CTNNA3: variants seen among roughly 807,000 people sequenced by gnomAD.
The protein encoded by CTNNA3 is catenin alpha 3, also known as catenin alpha-3.
In CTNNA3, 76 loss-of-function variants were observed where a neutral mutation model predicts 95.7. The observed-to-expected ratio is 0.79, with a 90% CI of 0.66 to 0.96. The LOEUF is 0.96. Ranked by LOEUF, CTNNA3 falls within the 40% of genes least tolerant of loss-of-function variation. The pLI is 0.00. For synonymous variants in CTNNA3, 431 were observed against 374.4 expected (o/e 1.15, Z -1.74); for missense variants, 1,191 against 1,089.8 (o/e 1.09, Z -1.31).
rs1564897249 is a variant in CTNNA3, at chr10:66,360,812, C to CTTTCTTTCTTT, written c.1732+18339_1732+18340insAAAGAAAGAAA. 1.6e-3 allele frequency among the ~76,000 whole-genome samples: 84 copies of CTTTCTTTCTTT among 52,334 alleles called. 2 individuals are homozygous for CTTTCTTTCTTT. Among genetic ancestry groups the CTTTCTTTCTTT allele is most frequent in the East Asian group, 4.7e-3 (8 of 1,704 alleles). 34.3% of individuals were successfully genotyped at this position (52,334 alleles called of 152,430 possible). A position where few individuals can be genotyped will look rare whatever the true frequency, so the allele number is the denominator to read the frequency against. On this transcript the variant is annotated intron_variant, in intron 12 of 17. Coordinates refer to ENST00000433211, the MANE Select transcript of CTNNA3 (RefSeq NM_013266.4). ...TCCTTCCTTCCTTCCTTCCTTCCTT[C>CTTTCTTTCTTT]CTTCCTTTCTTTCTTTCTTTCTTTC...
chr10:65,933,056 G>A (rs1027536541), intron 17 of CTNNA3, among the ~76,000 whole-genome samples: 3 of 151,990 alleles, frequency 2.0e-5, no homozygotes, highest in African/African-American at 4.8e-5. Flanking sequence ...GTATGTATGC[G>A]CTTTCCACTT....
In CTNNA3 at chr10:67,741,414, T is replaced by A. The variant is rs1477726944; in HGVS notation, c.-2+22020A>T. ...TCATATCCAGCCAAACTAAGCTTCA[T>A]AAGTGAAGGAGAAATAAAATACTTT... On this transcript the variant is annotated intron_variant, in intron 1 of 17. Coordinates refer to the CTNNA3 transcript ENST00000684154. Among the ~76,000 whole-genome samples, 23 of 145,394 alleles carry A rather than the reference T, an allele frequency of 1.6e-4. 1 individual carries two copies. Among genetic ancestry groups the A allele is most frequent in the Non-Finnish European group, 2.6e-4 (17 of 66,204 alleles).
At chr10:66,063,359 T>C (rs1417791630) in intron 15 of CTNNA3, among the ~76,000 whole-genome samples, 1 of 149,974 alleles carries the variant, frequency 6.7e-6, no homozygotes, top group Admixed American at 6.7e-5. Context: ...CTTTTATATA[T>C]CAAGATCTGC....
At chr10:67,531,275 A>C (rs1244434591) in intron 4 of CTNNA3, among the ~76,000 whole-genome samples, 1 of 152,194 alleles carries the variant, frequency 6.6e-6, no homozygotes, top group African/African-American at 2.4e-5. Flanking sequence ...GCACCTGGAA[A>C]AGCCGCAGAC....
At chr10:67,179,026 A>G (rs1451228507) in intron 7 of CTNNA3, among the ~76,000 whole-genome samples, 3 of 152,150 alleles carry the variant, frequency 2.0e-5, no homozygotes, top group Non-Finnish European at 4.4e-5. Flanking sequence ...TATTAAGAGT[A>G]TGAAGATACA....
rs869161944 is a variant in CTNNA3 at position 66,360,596 on chromosome 10, CTTCTTTCTTTCTTTCT to C, written c.1732+18540_1732+18555del. Among the ~76,000 whole-genome samples the C allele has an allele frequency of 3.3e-3, 311 of 94,114 alleles. 5 individuals carry two copies. Among genetic ancestry groups the C allele is most frequent in the African/African-American group, 4.0e-3 (121 of 30,242 alleles). The allele number at this position is 94,114 out of a possible 152,430, so 61.7% of individuals were successfully genotyped here. A position where few individuals can be genotyped will look rare whatever the true frequency, so the allele number is the denominator to read the frequency against. On this transcript the variant is annotated intron_variant, in intron 12 of 17. Transcript: ENST00000433211. The stretch of plus-strand genomic sequence containing the variant: ...AGGCTTACCTCTAATGTATTCTTTC[CTTCTTTCTTTCTTTCT>C]TTCTTTCTTTCTTTCTTTCTTTCTT...
chr10:66,768,460 A>G (rs186486413), intron 8 of CTNNA3, among the ~76,000 whole-genome samples: 103 of 152,328 alleles, frequency 6.8e-4, no homozygotes, highest in Middle Eastern at 3.4e-3. Flanking sequence ...GATAATAGCC[A>G]AGAAACAAAG....
At chr10:67,158,281 A>G (rs1861394215) in intron 7 of CTNNA3, among the ~76,000 whole-genome samples, 1 of 152,188 alleles carries the variant, frequency 6.6e-6, no homozygotes, top group African/African-American at 2.4e-5. Flanking sequence ...AAAAAATTAT[A>G]TAATACTATA....
At chr10:65,975,439 G>A (rs2078191628) in intron 16 of CTNNA3, among the ~76,000 whole-genome samples, 2 of 151,956 alleles carry the variant, frequency 1.3e-5, no homozygotes, top group Non-Finnish European at 2.9e-5. Flanking sequence ...AGACAGAGGA[G>A]GAAGAACAAT....
chr10:66,476,397 A>T (rs1042903461), intron 11 of CTNNA3, among the ~76,000 whole-genome samples: 6 of 152,084 alleles, frequency 3.9e-5, no homozygotes, highest in Non-Finnish European at 7.4e-5. Context: ...GAGAGACAGA[A>T]CACAATTGAC....
intron 1 of CTNNA3, among the ~76,000 whole-genome samples, chr10:67,740,099 A>T (rs564432566): frequency 1.3e-5 from 2 of 152,344 alleles, no homozygotes; most frequent in Admixed American, 1.3e-4. Flanking sequence ...AAAACTGGCT[A>T]GCCATATGTA....
intron 7 of CTNNA3, among the ~76,000 whole-genome samples, chr10:67,134,793 T>A (rs1365000140): frequency 1.3e-5 from 2 of 152,086 alleles, no homozygotes; most frequent in Non-Finnish European, 2.9e-5. Flanking sequence ...TAATAACTGC[T>A]GAGGAGTGGT....
intron 7 of CTNNA3, among the ~76,000 whole-genome samples, chr10:67,049,207 G>A (rs1854939589): frequency 6.6e-6 from 1 of 152,054 alleles, no homozygotes; most frequent in African/African-American, 2.4e-5. Flanking sequence ...GATGATGGTA[G>A]AAACAGGAGG....
intron 5 of CTNNA3, among the ~76,000 whole-genome samples, chr10:67,442,648 T>C (rs983677520): frequency 6.6e-6 from 1 of 152,036 alleles, no homozygotes; most frequent in Admixed American, 6.6e-5. Flanking sequence ...TTCAGCATGA[T>C]AAAGGGTCAA....
chr10:67,295,320 T>C (rs1027482555), intron 5 of CTNNA3, among the ~76,000 whole-genome samples: 1 of 152,236 alleles, frequency 6.6e-6, no homozygotes, highest in Non-Finnish European at 1.5e-5. Context: ...AAAAGTTAAT[T>C]CATGACAACA....
chr10:66,007,815 C>T (rs1324514624), intron 15 of CTNNA3, among the ~76,000 whole-genome samples: 1 of 108,754 alleles, frequency 9.2e-6, no homozygotes, highest in Non-Finnish European at 1.9e-5. Flanking sequence ...CCCTCGCTCC[C>T]TCCCTTTCTT....
At chr10:65,972,373 T>C (rs146821353) in intron 16 of CTNNA3, among the ~76,000 whole-genome samples, 1 of 152,050 alleles carries the variant, frequency 6.6e-6, no homozygotes, top group Non-Finnish European at 1.5e-5. Context: ...AAGGTATCCA[T>C]CTAGACAAAT....
intron 5 of CTNNA3, among the ~76,000 whole-genome samples, chr10:67,442,164 G>A (rs1340105950): frequency 1.9e-4 from 29 of 151,752 alleles, no homozygotes; most frequent in Admixed American, 1.8e-3. Flanking sequence ...GTAAAATAAC[G>A]GGTTATAAGA....
chr10:67,176,073 A>AT (rs1243245303), intron 7 of CTNNA3, among the ~76,000 whole-genome samples: 2 of 152,088 alleles, frequency 1.3e-5, no homozygotes, highest in East Asian at 3.8e-4. Flanking sequence ...CAAAAGCTAT[A>AT]TTTTTTCTGA....
Sources: gnomAD v4.1 joint callset for allele counts (sites outside exome capture counted in the v4.1 genomes callset) on GRCh38, gnomAD v4.1.1 for gene constraint, MANE v1.5 for transcripts, NCBI Gene and HGNC (gene_info 2026-07-23, HGNC 2026-07-21) for gene names.